UTY: variants seen among roughly 807,000 people sequenced by gnomAD.
UTY encodes histone demethylase UTY.
A neutral mutation model predicts 32.5 loss-of-function variants in UTY; 12 were observed. The observed-to-expected ratio is 0.37, with a 90% CI of 0.24 to 0.60. UTY has a LOEUF of 0.60. UTY is among the 20% of genes least tolerant of loss of function. The pLI, the probability that UTY is intolerant of heterozygous loss-of-function variation, is 0.69. For synonymous variants in UTY, 131 were observed against 103.4 expected (o/e 1.27, Z -1.62); for missense variants, 303 against 299.2 (o/e 1.01, Z -0.09).
intron 21 of UTY, among the ~76,000 whole-genome samples, chrY:13,318,782 G>A: frequency 6.2e-5 from 2 of 32,473 alleles, no homozygotes; most frequent in East Asian, 7.8e-4. Flanking sequence ...AGGCTGAGGC[G>A]GGCGGATCAC....
chrY:13,307,930 T>C (rs2058789846), intron 21 of UTY, among the ~76,000 whole-genome samples: 1 of 32,151 alleles, frequency 3.1e-5, no homozygotes, highest in African/African-American at 1.2e-4. Context: ...TCAGAGAAGA[T>C]GGAGAAATGG....
chrY:13,239,243 G>C (rs2053877471), intron 28 of UTY, among the ~76,000 whole-genome samples: 1 of 33,131 alleles, frequency 3.0e-5, no homozygotes, highest in Non-Finnish European at 7.5e-5. Flanking sequence ...AAAAACCTCA[G>C]AACTTGAAAA....
At chrY:13,384,167 A>C (rs2066468492) in intron 8 of UTY, among the ~76,000 whole-genome samples, 1 of 34,225 alleles carries the variant, frequency 2.9e-5, no homozygotes, top group Non-Finnish European at 7.3e-5. Flanking sequence ...CTCTAAATCC[A>C]AAATCAGAAA....
rs754147651 is a variant in UTY, at chrY:13,355,963, T to C, written c.1625A>G (p.Gln542Arg). ...RDNLNPAQKH[Q>R]LEQLESQFVL... ...AAACTGACTTTCTAACTGTTCCAGC[T>C]GATGCTTCTGTGCTGGATTTAAATT... Residue 542 changes from glutamine to arginine, a missense_variant, in exon 16 of 30, where the codon CAG becomes CGG. Physicochemically the swap from Gln to Arg is conservative, Grantham distance 43 (BLOSUM62 1). Coordinates refer to ENST00000545955, the MANE Select transcript of UTY (RefSeq NM_001258249.2). 5.1e-6 allele frequency: 2 copies of C among 393,517 alleles called. No homozygotes were observed. The highest frequency in any genetic ancestry group is 7.1e-6 in the Non-Finnish European group (2 of 280,945).
At chrY:13,455,540 A>C (rs547354363) in intron 3 of UTY, among the ~76,000 whole-genome samples, 2 of 33,472 alleles carry the variant, frequency 6.0e-5, no homozygotes, top group South Asian at 6.6e-4. Context: ...TAACAGATTA[A>C]AATAGGCCTA....
intron 17 of UTY, among the ~76,000 whole-genome samples, chrY:13,352,844 A>G: frequency 2.9e-5 from 1 of 34,196 alleles, no homozygotes; most frequent in Non-Finnish European, 7.3e-5. Context: ...ATCACTGACA[A>G]TATTCCCTCA....
chrY:13,283,239 T>C (rs2057154654), intron 27 of UTY, among the ~76,000 whole-genome samples: 1 of 34,124 alleles, frequency 2.9e-5, no homozygotes, highest in Admixed American at 2.6e-4. Context: ...TTTGTTCTGG[T>C]TTTGACTTGA....
intron 17 of UTY, among the ~76,000 whole-genome samples, chrY:13,336,842 T>C (rs2061126578): frequency 3.0e-5 from 1 of 33,377 alleles, no homozygotes; most frequent in Non-Finnish European, 7.4e-5. Flanking sequence ...AAAGATAAAG[T>C]CCTATAAATA....
At chrY:13,471,818 G>C (rs2078532988) in intron 2 of UTY, among the ~76,000 whole-genome samples, 2 of 28,674 alleles carry the variant, frequency 7.0e-5, no homozygotes, top group Non-Finnish European at 1.7e-4. Flanking sequence ...GTGAGACCCC[G>C]GCTCAAAAAA....
chrY:13,236,956 T>G, intron 28 of UTY, among the ~76,000 whole-genome samples: 3 of 33,541 alleles, frequency 8.9e-5, no homozygotes, highest in African/African-American at 3.5e-4. Flanking sequence ...AAAAAAAGAT[T>G]GGATACAATA....
chrY:13,335,655 C>T lies in UTY; in HGVS notation c.2742G>A (p.Leu914=). 1 of 398,808 alleles carries T rather than the reference C, an allele frequency of 2.5e-6. No individual in the cohort carries two copies. Among genetic ancestry groups the T allele is most frequent in the Non-Finnish European group, 3.5e-6 (1 of 283,527 alleles). The change falls in exon 18 of 30, where the codon CTG becomes CTA. Residue 914 remains leucine, a synonymous_variant. Transcript: ENST00000545955. The part of the protein sequence containing the change: ...GKSQSSTKVD[L]PLASHRSTSQ... The stretch of plus-strand genomic sequence containing the variant: ...AAGTAGATCTGTGGCTAGCTAAAGG[C>T]AGGTCTACTTTTGTAGAGCTCTGTG...
At chrY:13,477,509 G>A in intron 2 of UTY, among the ~76,000 whole-genome samples, 1 of 32,586 alleles carries the variant, frequency 3.1e-5, no homozygotes, top group Admixed American at 2.8e-4. Flanking sequence ...TTTAATATAC[G>A]GCATTACTCA....
intron 23 of UTY, 176 bp from the exon 24 acceptor site, chrY:13,305,723 GA>G (rs2058643534): frequency 7.8e-5 from 12 of 154,326 alleles, no homozygotes; most frequent in African/African-American, 2.0e-4. Flanking sequence ...ACAGATTACT[GA>G]AAAAAAAAAT....
At chrY:13,380,081 A>G in intron 8 of UTY, among the ~76,000 whole-genome samples, 1 of 12,274 alleles carries the variant, frequency 8.1e-5, no homozygotes, top group Non-Finnish European at 1.7e-4. Flanking sequence ...ATATATATAT[A>G]TATATATATA....
At chrY:13,410,930 C>T in intron 6 of UTY, 63 bp downstream of exon 6, 4 of 374,448 alleles carry the variant, frequency 1.1e-5, no homozygotes, top group Non-Finnish European at 1.5e-5. Context: ...TGTGCATGCG[C>T]ACATGTGCAT....
At chrY:13,476,033 G>GA (rs2079016987) in intron 2 of UTY, 4 of 219,348 alleles carry the variant, frequency 1.8e-5, no homozygotes, top group Non-Finnish European at 1.6e-5. Context: ...CATCTCGGGG[G>GA]AAAAAAAAGT....
chrY:13,422,016 A>G (rs954976104), intron 4 of UTY, among the ~76,000 whole-genome samples: 1 of 33,569 alleles, frequency 3.0e-5, no homozygotes, highest in South Asian at 6.6e-4. Context: ...CAGTAGTTCA[A>G]TAAGTGTCAC....
At chrY:13,346,824 GTGGATGC>G (rs2061946563) in intron 17 of UTY, among the ~76,000 whole-genome samples, 2 of 33,373 alleles carry the variant, frequency 6.0e-5, no homozygotes, top group African/African-American at 2.4e-4. Context: ...ACCGTAATAA[GTGGATGC>G]CTACTTATTC....
At chrY:13,285,492 T>A (rs1603303082) in intron 27 of UTY, among the ~76,000 whole-genome samples, 1 of 34,383 alleles carries the variant, frequency 2.9e-5, no homozygotes, top group East Asian at 7.6e-4. Flanking sequence ...AAAACGTAAA[T>A]TAGATAAACT....
Sources: allele counts gnomAD v4.1 joint callset (sites outside exome capture counted in the v4.1 genomes callset), GRCh38; gene constraint gnomAD v4.1.1; transcripts MANE v1.5; gene names NCBI Gene and HGNC (gene_info 2026-07-23, HGNC 2026-07-21).